Variants in CFAP99 observed in about 807,000 individuals in gnomAD.
CFAP99 encodes cilia- and flagella-associated protein 99.
CFAP99 carries 84 observed loss-of-function variants against 82.7 expected under a neutral mutation model. The ratio of observed to expected loss-of-function variants is 1.02; its 90% CI spans 0.85 to 1.22. The LOEUF (loss-of-function observed/expected upper bound fraction) is 1.22. Among genes scored for constraint, CFAP99 ranks in the 50% most tolerant of loss-of-function variants. The pLI is 0.00. For synonymous variants in CFAP99, 456 were observed against 429.5 expected (o/e 1.06, Z -0.76); for missense variants, 1,059 against 983.5 (o/e 1.08, Z -1.03).
intron 2 of CFAP99, chr4:2,427,339 C>T (rs1398911030): frequency 6.5e-6 from 1 of 152,824 alleles, no homozygotes; most frequent in African/African-American, 2.4e-5. Flanking sequence ...TGGCATGTGC[C>T]TGGGGAACAG....
chr4:2,445,848 G>A (rs921484197), intron 6 of CFAP99, among the ~76,000 whole-genome samples: 1 of 152,202 alleles, frequency 6.6e-6, no homozygotes, highest in Non-Finnish European at 1.5e-5. Context: ...TCAGGCATAC[G>A]TGACCAGGGT....
At chr4:2,419,237 C>A (rs1212923180) in intron 1 of CFAP99, 144 bp downstream of exon 1, 1 of 151,338 alleles carries the variant, frequency 6.6e-6, no homozygotes, top group Non-Finnish European at 1.5e-5. Flanking sequence ...GTGAACGGTG[C>A]CTCTTTTTTT....
chr4:2,433,463 C>T (rs1226824650), intron 2 of CFAP99, among the ~76,000 whole-genome samples: 2 of 152,082 alleles, frequency 1.3e-5, no homozygotes, highest in African/African-American at 4.8e-5. Flanking sequence ...TGGGTACAGC[C>T]TGGCAACTGC....
intron 2 of CFAP99, among the ~76,000 whole-genome samples, chr4:2,436,197 CAG>C (rs1733904354): frequency 6.6e-6 from 1 of 151,964 alleles, no homozygotes; most frequent in South Asian, 2.1e-4. Context: ...CTTTGTGAGA[CAG>C]GGTCCCACTC....
exon 6 of CFAP99, chr4:2,445,280 C>A: frequency 1.4e-6 from 2 of 1,382,074 alleles, no homozygotes; most frequent in African/African-American, 1.5e-5. Context: ...GCGCCCGAAC[C>A]AGTCCCGGTC....
chr4:2,460,278 G>T (rs1353906134), intron 14 of CFAP99, 36 bp downstream of exon 14: 7 of 1,523,538 alleles, frequency 4.6e-6, no homozygotes, highest in Non-Finnish European at 6.2e-6. Flanking sequence ...CCTCTGGGTG[G>T]ACAGGGAGCA....
chr4:2,440,159 T>TTTTTTTTTTTTTTTTA, intron 4 of CFAP99, among the ~76,000 whole-genome samples: 1 of 123,718 alleles, frequency 8.1e-6, no homozygotes, highest in South Asian at 2.6e-4. Context: ...CTTTTTTTTT[T>TTTTTTTTTTTTTTTTA]TTTTTGAGAC....
chr4:2,449,516 G>T (rs1333969092), intron 6 of CFAP99, among the ~76,000 whole-genome samples, 154 bp from the exon 7 acceptor site: 1 of 139,090 alleles, frequency 7.2e-6, no homozygotes, highest in Non-Finnish European at 1.5e-5. Flanking sequence ...ACCAGCACCC[G>T]GTGGTGTTAG....
intron 6 of CFAP99, among the ~76,000 whole-genome samples, chr4:2,447,509 A>C (rs1000968369): frequency 7.9e-5 from 12 of 151,294 alleles, no homozygotes; most frequent in African/African-American, 2.9e-4. Flanking sequence ...GGGTGGGTAG[A>C]TGGATGGATT....
chr4:2,437,393 C>T (rs1431393694), intron 3 of CFAP99, among the ~76,000 whole-genome samples: 2 of 152,218 alleles, frequency 1.3e-5, no homozygotes, highest in Non-Finnish European at 2.9e-5. Flanking sequence ...GGATTAGATA[C>T]AAGAGACTCG....
chr4:2,424,817 C>T (rs1018917761), intron 1 of CFAP99, among the ~76,000 whole-genome samples: 2 of 152,188 alleles, frequency 1.3e-5, no homozygotes, highest in South Asian at 2.1e-4. Flanking sequence ...TGAACGTGTT[C>T]GGGGCGTCCC....
intron 6 of CFAP99, 141 bp from the exon 7 acceptor site, chr4:2,449,528 TC>T: frequency 1.6e-6 from 1 of 644,848 alleles, no homozygotes; most frequent in Admixed American, 2.3e-5. Context: ...TGGTGTTAGC[TC>T]CAGCCCTGTT....
intron 4 of CFAP99, among the ~76,000 whole-genome samples, chr4:2,442,857 G>A (rs1241705524): frequency 6.6e-6 from 1 of 151,592 alleles, no homozygotes; most frequent in East Asian, 1.9e-4. Flanking sequence ...CACACCCTGC[G>A]CGGTGGCCTT....
chr4:2,440,000 G>A (rs1733997762), intron 4 of CFAP99, among the ~76,000 whole-genome samples: 2 of 150,536 alleles, frequency 1.3e-5, no homozygotes, highest in Admixed American at 6.7e-5. Context: ...GTGCCATCAC[G>A]CCTGGCTAAT....
In CFAP99 at chr4:2,449,748, G is replaced by T. The variant is rs780469921; in HGVS notation, c.721G>T (p.Glu241Ter). ...CAAGAGGTACAACCGCCGAAAGGCC[G>T]AGGTGAGCTGTGTGCGACCCCTGCC... The change falls in exon 7 of 15, where the codon GAG becomes TAG. Residue 241 changes from glutamate to a stop codon, truncating the protein, a stop_gained and splice_region_variant. Transcript: ENST00000635017. LOFTEE classifies it high-confidence loss of function. The T allele has an allele frequency of 1.3e-6, 2 of 1,536,216 alleles. No homozygotes were observed. The highest frequency in any genetic ancestry group is 3.9e-5 in the Admixed American group (2 of 51,006).
intron 6 of CFAP99, among the ~76,000 whole-genome samples, chr4:2,449,395 C>T (rs538628912): frequency 2.6e-5 from 4 of 152,218 alleles, no homozygotes; most frequent in Non-Finnish European, 5.9e-5. Flanking sequence ...ATGGTACGCC[C>T]TCAGTACTGC....
rs1262655950 is a variant in CFAP99, at chr4:2,457,933, C to CGCTGCCAGGGA, written c.1162-779_1162-769dup. On this transcript the variant is annotated intron_variant, in intron 11 of 14. Transcript: ENST00000635017. Reference sequence around the variant, plus strand: ...AACCCAGAGAGGCCCGAGACTTGTCCGCTGCCAGGGAGCTGCCAGGGTGGC... The same window carrying CGCTGCCAGGGA: ...AACCCAGAGAGGCCCGAGACTTGTCCGCTGCCAGGGAGCTGCCAGGGAGCTGCCAGGGTGGC... Among the ~76,000 whole-genome samples, 4 of 152,226 alleles carry CGCTGCCAGGGA rather than the reference C, an allele frequency of 2.6e-5. No individual in the cohort carries two copies. In the South Asian group the frequency reaches 6.2e-4, roughly 24 times the overall value.
intron 1 of CFAP99, among the ~76,000 whole-genome samples, chr4:2,425,745 T>G (rs763734319): frequency 3.4e-4 from 52 of 152,118 alleles, no homozygotes; most frequent in Non-Finnish European, 6.0e-4. Flanking sequence ...GGCCACATGT[T>G]GTCCTTAGAG....
intron 11 of CFAP99, among the ~76,000 whole-genome samples, chr4:2,452,925 T>G (rs1186086662): frequency 6.6e-6 from 1 of 152,010 alleles, no homozygotes; most frequent in Non-Finnish European, 1.5e-5. Context: ...TAGCCGGGCA[T>G]GGTGGTGCGT....
Sources: allele counts gnomAD v4.1 joint callset (sites outside exome capture counted in the v4.1 genomes callset), GRCh38; gene constraint gnomAD v4.1.1; transcripts MANE v1.5; gene names NCBI Gene and HGNC (gene_info 2026-07-23, HGNC 2026-07-21).